TLK1: variants seen among roughly 807,000 people sequenced by gnomAD.
TLK1 encodes the protein tousled like kinase 1, also known as serine/threonine-protein kinase tousled-like 1.
TLK1 carries 24 observed loss-of-function variants against 105.3 expected under a neutral mutation model. That is an observed-to-expected ratio of 0.23 (90% CI 0.17 to 0.32). The LOEUF (loss-of-function observed/expected upper bound fraction) is 0.32. Among genes scored for constraint, TLK1 ranks in the 10% least tolerant of loss-of-function variants. The probability of loss-of-function intolerance (pLI) is 1.00; values close to 1 mark genes in which losing one functional copy is unlikely to be tolerated. For synonymous variants in TLK1, 321 were observed against 310.4 expected (o/e 1.03, Z -0.36); for missense variants, 558 against 910.5 (o/e 0.61, Z 4.98).
intron 1 of TLK1, among the ~76,000 whole-genome samples, chr2:171,126,524 T>C (rs949057489): frequency 6.6e-6 from 1 of 152,192 alleles, no homozygotes; most frequent in Non-Finnish European, 1.5e-5. Flanking sequence ...TTTTTCATTA[T>C]ATAATTTTTT....
intron 2 of TLK1, among the ~76,000 whole-genome samples, chr2:171,087,007 C>G (rs1253557167): frequency 6.6e-6 from 1 of 152,124 alleles, no homozygotes; most frequent in African/African-American, 2.4e-5. Context: ...CTGCCCTCTG[C>G]AGGGAGACAT....
At chr2:171,127,363 C>G (rs1257269785) in intron 1 of TLK1, among the ~76,000 whole-genome samples, 1 of 151,676 alleles carries the variant, frequency 6.6e-6, no homozygotes, top group Non-Finnish European at 1.5e-5. Flanking sequence ...CTTGAAACAT[C>G]CATTTTAACA....
intron 12 of TLK1, among the ~76,000 whole-genome samples, chr2:171,015,419 C>CACACAA (rs1685129738): frequency 9.9e-5 from 1 of 10,090 alleles, no homozygotes; most frequent in East Asian, 7.4e-3. Context: ...AGTACAAACA[C>CACACAA]ACACACACAC....
intron 1 of TLK1, among the ~76,000 whole-genome samples, chr2:171,224,970 TA>T (rs562899501): frequency 8.5e-4 from 130 of 152,286 alleles, no homozygotes; most frequent in Middle Eastern, 3.4e-3. Context: ...GAATAGTCTT[TA>T]AAAAATGTTT....
chr2:171,152,378 CAAGTTT>C (rs1692077380), intron 1 of TLK1, among the ~76,000 whole-genome samples: 1 of 152,098 alleles, frequency 6.6e-6, no homozygotes, highest in Non-Finnish European at 1.5e-5. Context: ...AAATTTAATT[CAAGTTT>C]GACAACCTAC....
chr2:171,065,092 T>C (rs1259702197), intron 3 of TLK1, among the ~76,000 whole-genome samples: 1 of 152,134 alleles, frequency 6.6e-6, no homozygotes, highest in Non-Finnish European at 1.5e-5. Context: ...CACATGAATC[T>C]CAATGCTGTT....
intron 1 of TLK1, among the ~76,000 whole-genome samples, chr2:171,157,407 A>G (rs1021410377): frequency 1.3e-5 from 2 of 152,198 alleles, no homozygotes; most frequent in African/African-American, 4.8e-5. Flanking sequence ...TGGGATGGAG[A>G]TTATAGGTTT....
In TLK1 at chr2:171,006,398, T is replaced by C. The variant is rs561250347; in HGVS notation, c.1768+76A>G. Reference sequence around the variant, plus strand: ...CTTACAAGAGAAACCAAAAAACATGTTTTCAGATAACTTAATGAATGACTT... The same window carrying C: ...CTTACAAGAGAAACCAAAAAACATGCTTTCAGATAACTTAATGAATGACTT... On this transcript the variant is annotated intron_variant, in intron 17 of 20. Transcript: ENST00000431350. 6.3e-5 allele frequency: 94 copies of C among 1,490,000 alleles called. No individual in the cohort carries two copies. In the South Asian group the frequency reaches 1.2e-3, roughly 19 times the overall value. 92.3% of individuals were successfully genotyped at this position (1,490,000 alleles called of 1,614,324 possible).
intron 1 of TLK1, among the ~76,000 whole-genome samples, chr2:171,118,602 T>G (rs1286782450): frequency 2.0e-5 from 3 of 152,208 alleles, no homozygotes; most frequent in Non-Finnish European, 4.4e-5. Flanking sequence ...CTGATGTTAT[T>G]GTTATTATGC....
At chr2:171,015,805 C>T (rs1462078322) in intron 12 of TLK1, among the ~76,000 whole-genome samples, 1 of 152,082 alleles carries the variant, frequency 6.6e-6, no homozygotes, top group African/African-American at 2.4e-5. Context: ...GGTGCAGTGG[C>T]TCACACCTGT....
intron 3 of TLK1, among the ~76,000 whole-genome samples, chr2:171,081,867 C>A (rs1688768765): frequency 3.3e-5 from 5 of 152,248 alleles, no homozygotes; most frequent in Admixed American, 2.6e-4. Flanking sequence ...GTTCCCTTTC[C>A]TCTGAACAGT....
intron 1 of TLK1, among the ~76,000 whole-genome samples, chr2:171,140,223 T>G (rs1691517664): frequency 6.6e-6 from 1 of 151,964 alleles, no homozygotes; most frequent in South Asian, 2.1e-4. Context: ...ATTAAAGAAT[T>G]AAAAATAAAA....
Position 171,129,515 on chromosome 2 carries a change from C to T in TLK1, c.140-11658G>A, listed in dbSNP as rs150709774. ...GAAGTCCAAGTTGAATACGATCTACCTATTAAAGCACAACTGAAAACAATG... is the reference window on the plus strand; with the variant it reads ...GAAGTCCAAGTTGAATACGATCTACTTATTAAAGCACAACTGAAAACAATG... On this transcript the variant is annotated intron_variant, in intron 1 of 20. Transcript: ENST00000431350. Among the ~76,000 whole-genome samples the T allele has an allele frequency of 4.8e-3, 733 of 152,164 alleles. 5 individuals carry two copies. The highest frequency in any genetic ancestry group is 0.016 in the African/African-American group (681 of 41,500).
intron 12 of TLK1, chr2:171,022,852 A>G (rs1685592210): frequency 3.9e-6 from 1 of 253,448 alleles, no homozygotes; most frequent in Admixed American, 4.8e-5. Flanking sequence ...AACTTCAAGA[A>G]TATTTGGGGG....
At position 171,229,015 on chromosome 2, in the gene TLK1, T is replaced by C. The variant is rs541775783; in HGVS notation, c.-6+2130A>G. Among the ~76,000 whole-genome samples, 6 of 152,294 alleles carry C rather than the reference T, an allele frequency of 3.9e-5. No homozygotes were observed. In the South Asian group the frequency reaches 1.0e-3, roughly 26 times the overall value. The stretch of plus-strand genomic sequence containing the variant: ...GCACTTGGGAATTTCCACTCAGTGG[T>C]AGATTCTTGAACTGAAAGGGCATAT... On this transcript the variant is annotated intron_variant, in intron 1 of 20. Transcript: ENST00000521943.
At chr2:171,027,494 G>A (rs889406915) in intron 12 of TLK1, among the ~76,000 whole-genome samples, 4 of 152,236 alleles carry the variant, frequency 2.6e-5, no homozygotes, top group Non-Finnish European at 4.4e-5. Context: ...AAAAGTTTAC[G>A]ACAATAACAC....
chr2:171,147,741 GAT>G (rs1224436964), intron 1 of TLK1, among the ~76,000 whole-genome samples: 1 of 152,166 alleles, frequency 6.6e-6, no homozygotes, highest in Middle Eastern at 3.2e-3. Flanking sequence ...GATTTCAAAT[GAT>G]ATCCTAAATT....
At position 171,216,401 on chromosome 2, in the gene TLK1, G is replaced by A. The variant is rs188407321; in HGVS notation, c.-6+14744C>T. 5.2e-3 allele frequency among the ~76,000 whole-genome samples: 784 copies of A among 152,220 alleles called. 7 individuals carry two copies. Among genetic ancestry groups the A allele is most frequent in the African/African-American group, 0.017 (717 of 41,524 alleles). On this transcript the variant is annotated intron_variant, in intron 1 of 20. Coordinates refer to the TLK1 transcript ENST00000521943. ...TGAGGCAGGAGAATGGCATGAACCCGGGAGGTGGAGCTTGCAGTGAGCCGA... is the reference window on the plus strand; with the variant it reads ...TGAGGCAGGAGAATGGCATGAACCCAGGAGGTGGAGCTTGCAGTGAGCCGA...
intron 1 of TLK1, among the ~76,000 whole-genome samples, chr2:171,122,327 T>C (rs544481916): frequency 3.9e-5 from 6 of 152,320 alleles, no homozygotes; most frequent in Non-Finnish European, 5.9e-5. Flanking sequence ...TGGCACATAA[T>C]AGGTGCTTAG....
Sources: allele counts gnomAD v4.1 joint callset (sites outside exome capture counted in the v4.1 genomes callset), GRCh38; gene constraint gnomAD v4.1.1; transcripts MANE v1.5; gene names NCBI Gene and HGNC (gene_info 2026-07-23, HGNC 2026-07-21).